NDST4: variants seen among roughly 807,000 people sequenced by gnomAD.
NDST4 encodes the protein N-deacetylase and N-sulfotransferase 4.
NDST4 carries 63 observed loss-of-function variants against 100.8 expected under a neutral mutation model. The observed-to-expected ratio is 0.62, with a 90% CI of 0.51 to 0.77. The LOEUF (loss-of-function observed/expected upper bound fraction) is 0.77, where lower values mean the gene tolerates loss of function less well. Among genes scored for constraint, NDST4 ranks in the 30% least tolerant of loss-of-function variants. The probability of loss-of-function intolerance (pLI) is 0.00; values close to 1 mark genes in which losing one functional copy is unlikely to be tolerated. For synonymous variants in NDST4, 377 were observed against 361.8 expected (o/e 1.04, Z -0.48); for missense variants, 943 against 1,018.4 (o/e 0.93, Z 1.01).
rs1009538055 is a variant in NDST4, at chr4:114,836,607, T to G, written c.2286+2771A>C. ...TGATTATGTGTCTTAGGGTTGGTCT[T>G]CTCATGGAGTATCTTAGTGGTGATC... On this transcript the variant is annotated intron_variant, in intron 11 of 13. Coordinates refer to ENST00000264363, the MANE Select transcript of NDST4 (RefSeq NM_022569.3). Among the ~76,000 whole-genome samples, 4 of 152,208 alleles carry G rather than the reference T, an allele frequency of 2.6e-5. No individual in the cohort carries two copies. The East Asian group carries it at 7.7e-4, about 29-fold the overall frequency.
chr4:114,999,862 A>C (rs1349903690), intron 2 of NDST4, among the ~76,000 whole-genome samples: 1 of 151,994 alleles, frequency 6.6e-6, no homozygotes, highest in East Asian at 1.9e-4. Context: ...GTAAACTTGT[A>C]ATTGATATGT....
At chr4:114,953,249 T>G (rs1008004597) in intron 4 of NDST4, among the ~76,000 whole-genome samples, 4 of 152,078 alleles carry the variant, frequency 2.6e-5, no homozygotes, top group Non-Finnish European at 4.4e-5. Context: ...CCTAAGAACC[T>G]TTCTCCATTT....
At chr4:114,969,674 C>G (rs964673000) in intron 4 of NDST4, among the ~76,000 whole-genome samples, 1 of 152,248 alleles carries the variant, frequency 6.6e-6, no homozygotes, top group Non-Finnish European at 1.5e-5. Flanking sequence ...GCATAGTGTT[C>G]CATGGTGTAT....
Position 115,096,964 on chromosome 4 carries a change from C to T in NDST4, c.-247+16480G>A, listed in dbSNP as rs115108460. On this transcript the variant is annotated intron_variant, in intron 1 of 13. Coordinates refer to ENST00000264363, the MANE Select transcript of NDST4 (RefSeq NM_022569.3). ...CATCTTATCTTACTTTACCTATAAG[C>T]GGCATTTTATACCCCTGATCATCCC... Among the ~76,000 whole-genome samples, 810 of 152,124 alleles carry T rather than the reference C, an allele frequency of 5.3e-3. 5 individuals carry two copies. Among genetic ancestry groups the T allele is most frequent in the Admixed American group, 0.011 (166 of 15,258 alleles).
intron 2 of NDST4, among the ~76,000 whole-genome samples, chr4:115,038,944 T>G (rs1728290828): frequency 6.6e-6 from 1 of 152,106 alleles, no homozygotes; most frequent in African/African-American, 2.4e-5. Flanking sequence ...TGCCCCATTG[T>G]ACTCCAGCCT....
intron 7 of NDST4, among the ~76,000 whole-genome samples, chr4:114,867,683 G>GAAAAAAAAAAAAAAAAAAC (rs1724063814): frequency 1.5e-5 from 1 of 66,920 alleles, no homozygotes; most frequent in East Asian, 4.2e-4. Flanking sequence ...AAAAAAAAAA[G>GAAAAAAAAAAAAAAAAAAC]AAAGAAAAGA....
intron 2 of NDST4, among the ~76,000 whole-genome samples, chr4:115,057,537 C>G (rs962701077): frequency 4.6e-5 from 7 of 152,112 alleles, no homozygotes; most frequent in Non-Finnish European, 8.8e-5. Flanking sequence ...TGGCAGACAT[C>G]AGACAATGTT....
At chr4:114,839,346 A>G (rs1261294626) in intron 11 of NDST4, 32 bp downstream of exon 11, 2 of 1,569,910 alleles carry the variant, frequency 1.3e-6, no homozygotes, top group South Asian at 1.2e-5. Flanking sequence ...TTATAATAAA[A>G]TAAACAGAAG....
chr4:114,936,195 A>G (rs1725625372), intron 5 of NDST4, among the ~76,000 whole-genome samples: 1 of 152,106 alleles, frequency 6.6e-6, no homozygotes. Flanking sequence ...AAACCTGGGT[A>G]TTTTCACTAT....
At chr4:115,098,477 AG>A in intron 1 of NDST4, among the ~76,000 whole-genome samples, 1 of 152,286 alleles carries the variant, frequency 6.6e-6, no homozygotes, top group South Asian at 2.1e-4. Flanking sequence ...TGGATTAAAA[AG>A]AACACGCAAA....
At chr4:115,000,146 TCTCAA>T (rs1192162257) in intron 2 of NDST4, among the ~76,000 whole-genome samples, 1 of 151,542 alleles carries the variant, frequency 6.6e-6, no homozygotes, top group Admixed American at 6.6e-5. Flanking sequence ...AGGTATATTT[TCTCAA>T]CTCAATTCAC....
At chr4:114,994,844 A>G (rs1426892190) in intron 2 of NDST4, among the ~76,000 whole-genome samples, 2 of 152,040 alleles carry the variant, frequency 1.3e-5, no homozygotes, top group Non-Finnish European at 2.9e-5. Context: ...CTAACTATTT[A>G]TGATTAACTA....
chr4:115,053,994 G>A (rs1728641262), intron 2 of NDST4, among the ~76,000 whole-genome samples: 1 of 152,048 alleles, frequency 6.6e-6, no homozygotes, highest in Admixed American at 6.6e-5. Context: ...TTAGTAAAGA[G>A]TTTTGTATCT....
At chr4:115,085,656 C>T (rs113266369) in intron 1 of NDST4, among the ~76,000 whole-genome samples, 31 of 152,124 alleles carry the variant, frequency 2.0e-4, no homozygotes, top group Non-Finnish European at 3.7e-4. Context: ...CATTCTCTCT[C>T]CTGCCACCCT....
intron 4 of NDST4, among the ~76,000 whole-genome samples, chr4:114,942,668 A>T (rs1326452981): frequency 6.6e-6 from 1 of 151,998 alleles, no homozygotes; most frequent in African/African-American, 2.4e-5. Context: ...TGTTACAGTG[A>T]TTTTTCTAGT....
intron 2 of NDST4, among the ~76,000 whole-genome samples, chr4:115,032,425 T>G (rs1463368869): frequency 6.6e-6 from 1 of 152,094 alleles, no homozygotes; most frequent in African/African-American, 2.4e-5. Flanking sequence ...CATAAAATTA[T>G]ATTAAGAGGT....
chr4:115,040,912 T>C (rs1443209931), intron 2 of NDST4, among the ~76,000 whole-genome samples: 1 of 152,038 alleles, frequency 6.6e-6, no homozygotes, highest in East Asian at 1.9e-4. Flanking sequence ...AAACAAGTAA[T>C]TGCCCACAGT....
At chr4:114,916,536 CTGTGTGTGTG>C (rs537961796) in intron 6 of NDST4, among the ~76,000 whole-genome samples, 4,185 of 129,120 alleles carry the variant, frequency 0.032, 99 homozygotes, top group South Asian at 0.17. Context: ...CTGGTAGGCT[CTGTGTGTGTG>C]TGTGTGTGTG....
chr4:115,010,630 T>A (rs1387495018), intron 2 of NDST4, among the ~76,000 whole-genome samples: 1 of 73,752 alleles, frequency 1.4e-5, no homozygotes, highest in Non-Finnish European at 2.8e-5. Flanking sequence ...GGCACATGTA[T>A]ACATATGTAA....
Sources: allele counts gnomAD v4.1 joint callset (sites outside exome capture counted in the v4.1 genomes callset), GRCh38; gene constraint gnomAD v4.1.1; transcripts MANE v1.5; gene names NCBI Gene and HGNC (gene_info 2026-07-23, HGNC 2026-07-21).